GRIK1: variants seen among roughly 807,000 people sequenced by gnomAD.
The protein encoded by GRIK1 is glutamate receptor ionotropic, kainate 1.
In GRIK1, 69 loss-of-function variants were observed where a neutral mutation model predicts 105.7. That is an observed-to-expected ratio of 0.65 (90% CI 0.54 to 0.80). The LOEUF (loss-of-function observed/expected upper bound fraction) is 0.80. GRIK1 is among the 30% of genes least tolerant of loss of function. The pLI is 0.00. For missense variants in GRIK1, 1,109 were observed against 1,167.3 expected (o/e 0.95, Z 0.73); for synonymous variants, 438 against 431.3 (o/e 1.02, Z -0.19).
intron 1 of GRIK1, among the ~76,000 whole-genome samples, chr21:29,928,583 T>A (rs2071462105): frequency 6.6e-6 from 1 of 152,174 alleles, no homozygotes; most frequent in Admixed American, 6.5e-5. Flanking sequence ...CCAGCAGGAC[T>A]TGAAGGTCAC....
chr21:29,712,781 A>C (rs762575038), intron 1 of GRIK1, among the ~76,000 whole-genome samples: 1 of 152,160 alleles, frequency 6.6e-6, no homozygotes, highest in Non-Finnish European at 1.5e-5. Flanking sequence ...ACAGTTGCAG[A>C]TACTTTTTCT....
At chr21:29,678,802 C>T (rs1309341741) in intron 3 of GRIK1, among the ~76,000 whole-genome samples, 1 of 152,122 alleles carries the variant, frequency 6.6e-6, no homozygotes, top group Non-Finnish European at 1.5e-5. Flanking sequence ...GTGGTGATGA[C>T]AGAAGGTGAA....
intron 7 of GRIK1, 125 bp downstream of exon 7, chr21:29,642,701 T>C (rs1192886438): frequency 1.3e-6 from 1 of 772,858 alleles, no homozygotes; most frequent in African/African-American, 1.7e-5. Flanking sequence ...AGCAGACTGG[T>C]TGATGATGGC....
chr21:29,798,985 C>T (rs1017146472), intron 1 of GRIK1, among the ~76,000 whole-genome samples: 5 of 152,142 alleles, frequency 3.3e-5, no homozygotes, highest in African/African-American at 9.7e-5. Flanking sequence ...TACTGACAAT[C>T]AACAAAAGAT....
intron 1 of GRIK1, among the ~76,000 whole-genome samples, chr21:29,888,759 T>C (rs2069777149): frequency 6.6e-6 from 1 of 152,114 alleles, no homozygotes; most frequent in African/African-American, 2.4e-5. Flanking sequence ...ATGAAGCAGG[T>C]TTTAAAGGCC....
chr21:29,828,699 T>A (rs1270414094), intron 1 of GRIK1, among the ~76,000 whole-genome samples: 1 of 152,098 alleles, frequency 6.6e-6, no homozygotes, highest in African/African-American at 2.4e-5. Context: ...AGAGCCTCAC[T>A]ATGTTGCCCA....
At chr21:29,778,313 G>A (rs957837721) in intron 1 of GRIK1, among the ~76,000 whole-genome samples, 1 of 152,156 alleles carries the variant, frequency 6.6e-6, no homozygotes, top group Non-Finnish European at 1.5e-5. Flanking sequence ...ACAGGATAAA[G>A]CCGATTTGTT....
rs74313826 is a variant in GRIK1 at position 29,857,862 on chromosome 21, A to G, written c.118+81521T>C. On this transcript the variant is annotated intron_variant, in intron 1 of 17. Transcript: ENST00000327783. ...CTCGAACATCAAACCACTAAATTTC[A>G]TCACCCCCTAGTCTCCTGTGAAGGC... 1.8e-4 allele frequency among the ~76,000 whole-genome samples: 27 copies of G among 152,190 alleles called. 1 individual carries two copies. In the East Asian group the frequency reaches 5.2e-3, roughly 29 times the overall value.
chr21:29,606,945 C>T (rs530117216), intron 7 of GRIK1, among the ~76,000 whole-genome samples: 5 of 152,316 alleles, frequency 3.3e-5, no homozygotes, highest in African/African-American at 1.2e-4. Context: ...TCTCAGACCA[C>T]TGTGCCACTT....
chr21:29,662,971 ACC>A (rs1179768217), intron 4 of GRIK1, among the ~76,000 whole-genome samples: 4 of 152,208 alleles, frequency 2.6e-5, no homozygotes, highest in Non-Finnish European at 4.4e-5. Context: ...ATTTATATTA[ACC>A]AAGCTCATAT....
chr21:29,803,027 ATTTTATTAC>A, intron 1 of GRIK1, among the ~76,000 whole-genome samples: 1 of 152,128 alleles, frequency 6.6e-6, no homozygotes, highest in Non-Finnish European at 1.5e-5. Context: ...AGACAGTGAA[ATTTTATTAC>A]ATAATGCTGT....
chr21:29,781,024 T>C (rs1344951244), intron 1 of GRIK1, among the ~76,000 whole-genome samples: 1 of 152,034 alleles, frequency 6.6e-6, no homozygotes, highest in African/African-American at 2.4e-5. Context: ...ACAAAAGAAG[T>C]ATTAAGAAAA....
intron 1 of GRIK1, among the ~76,000 whole-genome samples, chr21:29,711,131 CAT>C (rs1324944952): frequency 6.6e-6 from 1 of 152,008 alleles, no homozygotes; most frequent in East Asian, 1.9e-4. Flanking sequence ...CTTCTTAAAA[CAT>C]GAGGTAGAAC....
chr21:29,562,096 C>T (rs2090494935), intron 14 of GRIK1, among the ~76,000 whole-genome samples: 1 of 152,150 alleles, frequency 6.6e-6, no homozygotes, highest in Non-Finnish European at 1.5e-5. Flanking sequence ...CCATTGTGGC[C>T]CACTGGGCTA....
intron 1 of GRIK1, among the ~76,000 whole-genome samples, chr21:29,790,081 C>A (rs928759224): frequency 6.6e-6 from 1 of 152,074 alleles, no homozygotes; most frequent in Non-Finnish European, 1.5e-5. Context: ...GGTGGAGTCT[C>A]GCTGTATCAC....
In GRIK1 at chr21:29,701,470, T is replaced by G. The variant is rs60485026; in HGVS notation, c.119-7407A>C. ...AGAGTGAGGCTGAAGTCGGGTGAGC[T>G]GGGCTTGGACTGGTAGAAGACGAGC... On this transcript the variant is annotated intron_variant, in intron 1 of 17. Coordinates refer to ENST00000327783, the MANE Select transcript of GRIK1 (RefSeq NM_001330994.2). 5.6e-3 allele frequency among the ~76,000 whole-genome samples: 851 copies of G among 152,240 alleles called. 11 individuals are homozygous for G. The highest frequency in any genetic ancestry group is 0.02 in the African/African-American group (822 of 41,530).
chr21:29,665,262 G>A (rs991586438), intron 4 of GRIK1, among the ~76,000 whole-genome samples: 1 of 152,062 alleles, frequency 6.6e-6, no homozygotes, highest in Non-Finnish European at 1.5e-5. Context: ...ATCCACAAAG[G>A]TCAATTAATT....
chr21:29,920,405 T>C (rs558858487), intron 1 of GRIK1, among the ~76,000 whole-genome samples: 9 of 152,054 alleles, frequency 5.9e-5, no homozygotes, highest in Admixed American at 4.6e-4. Context: ...CTAGTTGGAG[T>C]CCTTTCCTTT....
At chr21:29,727,796 G>A (rs1431239705) in intron 1 of GRIK1, among the ~76,000 whole-genome samples, 1 of 152,138 alleles carries the variant, frequency 6.6e-6, no homozygotes, top group Non-Finnish European at 1.5e-5. Context: ...TTTATGATGA[G>A]GGATTGGTTC....
Sources: gnomAD v4.1 joint callset for allele counts (sites outside exome capture counted in the v4.1 genomes callset) on GRCh38, gnomAD v4.1.1 for gene constraint, MANE v1.5 for transcripts, NCBI Gene and HGNC (gene_info 2026-07-23, HGNC 2026-07-21) for gene names.